TANC1: variants seen among roughly 807,000 people sequenced by gnomAD.
TANC1 encodes the protein protein TANC1.
In TANC1, 77 loss-of-function variants were observed where a neutral mutation model predicts 149.7. The ratio of observed to expected loss-of-function variants is 0.51; its 90% CI spans 0.43 to 0.62. The LOEUF (loss-of-function observed/expected upper bound fraction) is 0.62, where lower values mean the gene tolerates loss of function less well. TANC1 is among the 20% of genes least tolerant of loss of function. The probability of loss-of-function intolerance (pLI) is 0.00; values close to 1 mark genes in which losing one functional copy is unlikely to be tolerated. For synonymous variants in TANC1, 854 were observed against 925.0 expected (o/e 0.92, Z 1.39); for missense variants, 1,985 against 2,321.8 (o/e 0.85, Z 2.98).
intron 16 of TANC1, among the ~76,000 whole-genome samples, chr2:159,193,378 G>A (rs951709115): frequency 6.6e-6 from 1 of 152,160 alleles, no homozygotes; most frequent in Non-Finnish European, 1.5e-5. Flanking sequence ...GAACACTGAG[G>A]TTGCATCTAC....
Position 158,968,725 on chromosome 2 carries a change from C to G in TANC1, c.-183C>G, listed in dbSNP as rs1463162875. 1 of 152,014 alleles carries G rather than the reference C, an allele frequency of 6.6e-6. No individual in the cohort carries two copies. Among genetic ancestry groups the G allele is most frequent in the East Asian group, 1.9e-4 (1 of 5,134 alleles). The allele number at this position is 152,014 out of a possible 1,614,324, so 9.4% of individuals were successfully genotyped here. ...GCGGAGCGCCGAGCTGGCCTCGCCC[C>G]GAGGCCCGGCCCTGGGTGTGGGGAA... is the stretch of plus-strand genomic sequence containing the variant. On this transcript the variant is annotated 5_prime_UTR_variant, in exon 1 of 27. Transcript: ENST00000263635.
At chr2:159,213,936 G>A (rs574428562) in intron 19 of TANC1, among the ~76,000 whole-genome samples, 1 of 152,094 alleles carries the variant, frequency 6.6e-6, no homozygotes, top group South Asian at 2.1e-4. Context: ...GACCAGCCTG[G>A]CCAACATGGT....
intron 18 of TANC1, among the ~76,000 whole-genome samples, chr2:159,198,093 C>T (rs570805192): frequency 2.0e-4 from 31 of 152,302 alleles, no homozygotes; most frequent in Non-Finnish European, 7.4e-5. Context: ...GCCTTACTTT[C>T]ACCTTAGCCT....
At chr2:159,131,010 C>T (rs772731912) in intron 4 of TANC1, among the ~76,000 whole-genome samples, 1 of 124,620 alleles carries the variant, frequency 8.0e-6, no homozygotes, top group East Asian at 2.4e-4. Flanking sequence ...CAGGGATCTA[C>T]CTTTCTTGGG....
chr2:159,069,273 A>G (rs2042939353), intron 3 of TANC1, among the ~76,000 whole-genome samples: 2 of 152,204 alleles, frequency 1.3e-5, no homozygotes, highest in South Asian at 4.1e-4. Flanking sequence ...CTGTTCCATC[A>G]GTGCAAATGA....
intron 1 of TANC1, among the ~76,000 whole-genome samples, chr2:158,969,044 C>A (rs543929231): frequency 1.3e-5 from 2 of 152,330 alleles, no homozygotes; most frequent in East Asian, 3.9e-4. Flanking sequence ...TTGCGCGGTT[C>A]CCCCGCGCCG....
chr2:159,117,648 G>A lies in TANC1; in HGVS notation c.260-18546G>A, dbSNP rs1385497120. Among the ~76,000 whole-genome samples the A allele has an allele frequency of 3.3e-5, 5 of 150,110 alleles. No homozygotes were observed. In the South Asian group the frequency reaches 6.4e-4, roughly 19 times the overall value. ...CCTGACCTCGTGACCCGCCTGCCTCGGCCTCCCAAAGTGCTGGGATTACAG... is the reference window on the plus strand; with the variant it reads ...CCTGACCTCGTGACCCGCCTGCCTCAGCCTCCCAAAGTGCTGGGATTACAG... On this transcript the variant is annotated intron_variant, in intron 4 of 26. Transcript: ENST00000263635.
rs2060350472 is a variant in TANC1 at position 159,232,024 on chromosome 2, AAAAG to A, written c.*1016_*1019del. On this transcript the variant is annotated 3_prime_UTR_variant, in exon 27 of 27. Transcript: ENST00000263635. ...TTCAATGTAGTTAATCTAAAAACAA[AAAAG>A]AAAACCCCAGTCACGATTTGCATGT... The A allele has an allele frequency of 6.6e-6, 1 of 152,652 alleles. No homozygotes were observed. Among genetic ancestry groups the A allele is most frequent in the African/African-American group, 2.4e-5 (1 of 41,454 alleles). 9.5% of individuals were successfully genotyped at this position (152,652 alleles called of 1,614,324 possible). A position where few individuals can be genotyped will look rare whatever the true frequency, so the allele number is the denominator to read the frequency against.
intron 2 of TANC1, among the ~76,000 whole-genome samples, chr2:159,042,190 G>A (rs531436854): frequency 1.8e-4 from 27 of 152,260 alleles, no homozygotes; most frequent in African/African-American, 6.0e-4. Flanking sequence ...GACTTAGGAG[G>A]AGGAGAGGCC....
chr2:159,041,865 G>T (rs2040665168), intron 2 of TANC1, among the ~76,000 whole-genome samples: 1 of 152,174 alleles, frequency 6.6e-6, no homozygotes, highest in Non-Finnish European at 1.5e-5. Flanking sequence ...TGTCTTCTGT[G>T]TCAGTCACGC....
intron 2 of TANC1, among the ~76,000 whole-genome samples, chr2:159,048,787 A>G (rs541642674): frequency 2.0e-5 from 3 of 152,342 alleles, no homozygotes; most frequent in African/African-American, 7.2e-5. Context: ...CGGGTGAACA[A>G]AAGCAGAGTC....
Position 159,225,767 on chromosome 2 carries a change from T to C in TANC1, c.3891T>C (p.Asn1297=). 6.2e-7 allele frequency: 1 copy of C among 1,613,482 alleles called. No homozygotes were observed. Among genetic ancestry groups the C allele is most frequent in the Non-Finnish European group, 8.5e-7 (1 of 1,179,432 alleles). Residue 1297 remains asparagine, a synonymous_variant, in exon 24 of 27, where the codon AAT becomes AAC. Coordinates refer to ENST00000263635, the MANE Select transcript of TANC1 (RefSeq NM_033394.3). The stretch of plus-strand genomic sequence containing the variant: ...TACAGAAATTAATGGAGGAAGGAAA[T>C]GTGATGTACAAAGTAAGTGGTTCCG... The part of the protein sequence containing the change: ...ILLQKLMEEG[N]VMYKKGKMKE...
intron 18 of TANC1, among the ~76,000 whole-genome samples, chr2:159,197,818 G>T (rs1012001465): frequency 2.6e-5 from 4 of 152,050 alleles, no homozygotes; most frequent in Non-Finnish European, 5.9e-5. Context: ...CCAGTAGGGT[G>T]AAAAAAGCAG....
At chr2:158,981,231 G>T (rs1310607143) in intron 1 of TANC1, among the ~76,000 whole-genome samples, 2 of 151,674 alleles carry the variant, frequency 1.3e-5, no homozygotes, top group Admixed American at 6.6e-5. Context: ...GAGGCAGGAG[G>T]ATTGCTTGAA....
chr2:159,211,016 G>T (rs990535080), intron 19 of TANC1, among the ~76,000 whole-genome samples: 1 of 151,740 alleles, frequency 6.6e-6, no homozygotes, highest in Non-Finnish European at 1.5e-5. Flanking sequence ...GATTATAGGC[G>T]CGTGCCACCA....
At chr2:159,011,647 C>G (rs990080104) in intron 2 of TANC1, among the ~76,000 whole-genome samples, 8 of 151,776 alleles carry the variant, frequency 5.3e-5, no homozygotes, top group Non-Finnish European at 1.2e-4. Flanking sequence ...GCCATCTTCC[C>G]TCCTTAGCCT....
intron 19 of TANC1, among the ~76,000 whole-genome samples, chr2:159,201,751 A>G (rs1411348562): frequency 1.3e-5 from 2 of 152,196 alleles, no homozygotes; most frequent in Non-Finnish European, 1.5e-5. Flanking sequence ...ACAGTTCATT[A>G]TTTATTTTGA....
chr2:158,976,773 C>T (rs1215601640), intron 1 of TANC1, among the ~76,000 whole-genome samples: 1 of 152,058 alleles, frequency 6.6e-6, no homozygotes. Context: ...CTCAGCTACT[C>T]GAGAGGCTGA....
chr2:159,149,056 C>T (rs1233561932), intron 5 of TANC1, 86 bp from the exon 6 acceptor site: 1 of 1,435,056 alleles, frequency 7.0e-7, no homozygotes, highest in East Asian at 2.3e-5. Flanking sequence ...AATCACCAGA[C>T]AAAGCAGCTG....
Sources: allele counts gnomAD v4.1 joint callset (sites outside exome capture counted in the v4.1 genomes callset), GRCh38; gene constraint gnomAD v4.1.1; transcripts MANE v1.5; gene names NCBI Gene and HGNC (gene_info 2026-07-23, HGNC 2026-07-21).